Variants in RCOR1 observed in about 807,000 individuals in gnomAD.
The protein encoded by RCOR1 is REST corepressor.
RCOR1 carries 12 observed loss-of-function variants against 64.0 expected under a neutral mutation model. That is an observed-to-expected ratio of 0.19 (90% confidence interval 0.12 to 0.30). The LOEUF (loss-of-function observed/expected upper bound fraction) is 0.30. Among genes scored for constraint, RCOR1 ranks in the 10% least tolerant of loss-of-function variants. RCOR1 has a pLI of 1.00. For synonymous variants in RCOR1, 279 were observed against 227.2 expected, an observed-to-expected ratio of 1.23 and a Z score of -2.05; for missense variants, 502 against 621.2, an observed-to-expected ratio of 0.81 and a Z score of 2.04.
intron 2 of RCOR1, among the ~76,000 whole-genome samples, chr14:102,601,830 A>G (rs541574494): frequency 6.6e-6 from 1 of 152,256 alleles, no homozygotes; most frequent in African/African-American, 2.4e-5. Context: ...TCTCTCTTGA[A>G]GGGAAATCTG....
intron 2 of RCOR1, among the ~76,000 whole-genome samples, chr14:102,649,441 A>G (rs2139928031): frequency 1.3e-5 from 2 of 152,244 alleles, no homozygotes; most frequent in East Asian, 1.9e-4. Flanking sequence ...GAAATTGTCC[A>G]CTCCACAGTA....
At chr14:102,708,132 A>G (rs1354212584) in intron 5 of RCOR1, among the ~76,000 whole-genome samples, 1 of 151,970 alleles carries the variant, frequency 6.6e-6, no homozygotes, top group Non-Finnish European at 1.5e-5. Flanking sequence ...CGCCCGGCTA[A>G]TTTTTTGTAT....
At position 102,592,928 on chromosome 14, in the gene RCOR1, G is replaced by A; in HGVS notation, c.42G>A (p.Lys14=). 1 of 1,240,074 alleles carries A rather than the reference G, an allele frequency of 8.1e-7. No homozygotes were observed. The highest frequency in any genetic ancestry group is 1.0e-6 in the Non-Finnish European group (1 of 983,566). 76.8% of individuals were successfully genotyped at this position (1,240,074 alleles called of 1,614,324 possible). Residue 14 remains lysine, a synonymous_variant, in exon 1 of 12, where the codon AAG becomes AAA. Coordinates refer to ENST00000262241, the MANE Select transcript of RCOR1 (RefSeq NM_015156.4). ...MVEKGPEVSG[K]RRGRNNAAAS... is the part of the protein sequence containing the mutation. The stretch of plus-strand genomic sequence containing the variant: ...AGAAGGGCCCCGAGGTCTCAGGGAA[G>A]CGGAGAGGGAGGAACAACGCGGCCG...
At chr14:102,600,482 A>G (rs896112423) in intron 2 of RCOR1, among the ~76,000 whole-genome samples, 1 of 151,150 alleles carries the variant, frequency 6.6e-6, no homozygotes, top group Non-Finnish European at 1.5e-5. Flanking sequence ...GCTCACTGCA[A>G]CCTCTGTCTC....
chr14:102,662,449 C>T, intron 2 of RCOR1: 2 of 547,294 alleles, frequency 3.7e-6, no homozygotes, highest in Middle Eastern at 1.1e-3. Context: ...CGCTCTTCTT[C>T]ATGGCAGACT....
chr14:102,665,326 TTTTTA>T (rs1406575068), intron 2 of RCOR1, among the ~76,000 whole-genome samples: 2 of 150,586 alleles, frequency 1.3e-5, no homozygotes, highest in African/African-American at 2.5e-5. Flanking sequence ...TTTTTTTTTT[TTTTTA>T]AATAAAATAG....
At chr14:102,606,189 G>C (rs1260472662) in intron 2 of RCOR1, among the ~76,000 whole-genome samples, 1 of 152,180 alleles carries the variant, frequency 6.6e-6, no homozygotes, top group African/African-American at 2.4e-5. Context: ...GCCTCCGAAA[G>C]TGCTGGGATT....
rs376890620 is a variant in RCOR1, at chr14:102,714,557, C to T, written c.993C>T (p.Ala331=). ...QEDVEAVSAN[A]TAATTVLRQL... is the part of the protein sequence containing the mutation. ...ATGTGGAGGCTGTTTCTGCCAATGC[C>T]ACTGCTGCTACCACGGTGCTGAGAC... is the stretch of plus-strand genomic sequence containing the variant. The change falls in exon 8 of 12, where the codon GCC becomes GCT. Residue 331 remains alanine (A), a synonymous_variant. Transcript: ENST00000262241. The T allele has an allele frequency of 1.2e-6, 2 of 1,613,866 alleles. No homozygotes were observed. Among genetic ancestry groups the T allele is most frequent in the East Asian group, 4.5e-5 (2 of 44,882 alleles).
intron 7 of RCOR1, 138 bp from the exon 8 acceptor site, chr14:102,714,285 T>C (rs1896019566): frequency 1.9e-6 from 1 of 522,164 alleles, no homozygotes; most frequent in Non-Finnish European, 3.3e-6. Flanking sequence ...TGTTAGAATT[T>C]ATAGATCTCA....
At chr14:102,656,135 TTA>T (rs1358390557) in intron 2 of RCOR1, 10 of 975,336 alleles carry the variant, frequency 1.0e-5, no homozygotes, top group African/African-American at 7.0e-5. Context: ...TGAGATTTTT[TTA>T]TTTTTTTTAT....
intron 2 of RCOR1, among the ~76,000 whole-genome samples, chr14:102,676,516 C>G (rs1374578185): frequency 1.6e-5 from 1 of 61,574 alleles, no homozygotes; most frequent in Non-Finnish European, 3.0e-5. Context: ...GACCCCCCCC[C>G]ACCTCCCTCC....
chr14:102,597,628 C>CTTTTT (rs57656879), intron 2 of RCOR1, among the ~76,000 whole-genome samples: 11 of 44,990 alleles, frequency 2.4e-4, no homozygotes, highest in Non-Finnish European at 3.4e-4. Flanking sequence ...TGCGCCCGAC[C>CTTTTT]TTTTTTTTTT....
chr14:102,659,156 C>T, intron 2 of RCOR1: 1 of 985,196 alleles, frequency 1.0e-6, no homozygotes. Flanking sequence ...TTTTATTTGA[C>T]TTTTTAAAAA....
At chr14:102,639,208 GT>G (rs1894307047) in intron 2 of RCOR1, among the ~76,000 whole-genome samples, 1 of 151,564 alleles carries the variant, frequency 6.6e-6, no homozygotes, top group South Asian at 2.1e-4. Context: ...AATTAAAACT[GT>G]GAAGTTGTAT....
At chr14:102,649,368 T>A (rs144621530) in intron 2 of RCOR1, among the ~76,000 whole-genome samples, 2 of 152,170 alleles carry the variant, frequency 1.3e-5, no homozygotes, top group Admixed American at 1.3e-4. Context: ...TAGTGTGATA[T>A]CACTTGTGGA....
chr14:102,627,426 G>A (rs1426012726), intron 2 of RCOR1, among the ~76,000 whole-genome samples: 1 of 152,196 alleles, frequency 6.6e-6, no homozygotes, highest in Non-Finnish European at 1.5e-5. Flanking sequence ...GGAGGCCAAG[G>A]CTGGCGGATC....
intron 2 of RCOR1, among the ~76,000 whole-genome samples, chr14:102,651,874 C>T (rs1353094865): frequency 6.6e-6 from 1 of 152,092 alleles, no homozygotes; most frequent in Non-Finnish European, 1.5e-5. Flanking sequence ...ATGCCTGGCC[C>T]CCTAATTATT....
At position 102,611,181 on chromosome 14, in the gene RCOR1, C is replaced by A. The variant is rs141540494; in HGVS notation, c.361+17856C>A. Among the ~76,000 whole-genome samples, 15 of 152,188 alleles carry A rather than the reference C, an allele frequency of 9.9e-5. No homozygotes were observed. The East Asian group carries it at 2.7e-3, about 28-fold the overall frequency. ...GCCCCCACACCATTCAGGCGATTCT[C>A]CTGTCTCAGCCTCCTGAGTAGCTGT... On this transcript the variant is annotated intron_variant, in intron 2 of 11. Transcript: ENST00000262241.
At chr14:102,611,067 TTTTG>T (rs1193783830) in intron 2 of RCOR1, among the ~76,000 whole-genome samples, 19 of 152,186 alleles carry the variant, frequency 1.2e-4, no homozygotes, top group South Asian at 2.1e-4. Context: ...GAGCTTAGTT[TTTTG>T]TTTGTTTGTT....
Sources: allele counts gnomAD v4.1 joint callset (sites outside exome capture counted in the v4.1 genomes callset), GRCh38; gene constraint gnomAD v4.1.1; transcripts MANE v1.5; gene names NCBI Gene and HGNC (gene_info 2026-07-23, HGNC 2026-07-21).